Variants in DCAF8L2 observed in about 807,000 individuals in gnomAD.
The protein encoded by DCAF8L2 is DDB1- and CUL4-associated factor 8-like protein 2.
For missense variants in DCAF8L2, 430 were observed against 490.7 expected (o/e 0.88, Z 1.17); for synonymous variants, 200 against 190.9 (o/e 1.05, Z -0.39).
chrX:27,697,716 C>G (rs1930976657), intron 3 of DCAF8L2, among the ~76,000 whole-genome samples: 1 of 111,125 alleles, frequency 9.0e-6, no homozygotes, highest in South Asian at 3.7e-4. Context: ...GGTAAGCTAG[C>G]TACTTTGTAG....
At chrX:27,651,503 AC>A (rs1298228498) in intron 2 of DCAF8L2, among the ~76,000 whole-genome samples, 2 of 103,864 alleles carry the variant, frequency 1.9e-5, no homozygotes, top group Non-Finnish European at 3.9e-5. Flanking sequence ...AAAGTAGATA[AC>A]CTTTTTTTTT....
At chrX:27,686,318 G>A (rs1930504423) in intron 3 of DCAF8L2, among the ~76,000 whole-genome samples, 1 of 111,540 alleles carries the variant, frequency 9.0e-6, no homozygotes, top group Non-Finnish European at 1.9e-5. Flanking sequence ...CAATAGACAA[G>A]ATATGAAATC....
intron 2 of DCAF8L2, among the ~76,000 whole-genome samples, chrX:27,672,628 T>A (rs1282703997): frequency 8.9e-6 from 1 of 112,120 alleles, no homozygotes; most frequent in Non-Finnish European, 1.9e-5. Flanking sequence ...TACTGCCAGT[T>A]AATCACTTTG....
the DCAF8L2 span, among the ~76,000 whole-genome samples, chrX:27,531,222 C>T: frequency 3.6e-5 from 4 of 111,475 alleles, no homozygotes; most frequent in Admixed American, 9.6e-5. Flanking sequence ...ATTCAGAAGG[C>T]GAATGTGGAG....
the DCAF8L2 span, among the ~76,000 whole-genome samples, chrX:27,550,564 A>G: frequency 9.0e-6 from 1 of 111,091 alleles, no homozygotes; most frequent in Non-Finnish European, 1.9e-5. Flanking sequence ...AGCTATCTTG[A>G]AATATATAAT....
intron 1 of DCAF8L2, among the ~76,000 whole-genome samples, chrX:27,612,382 C>T (rs1264432375): frequency 8.9e-6 from 1 of 111,964 alleles, no homozygotes; most frequent in East Asian, 2.8e-4. Flanking sequence ...AAATGTTCTC[C>T]CGTTCTGTAG....
intron 4 of DCAF8L2, among the ~76,000 whole-genome samples, chrX:27,729,101 G>A (rs1921038248): frequency 9.0e-6 from 1 of 111,419 alleles, no homozygotes; most frequent in African/African-American, 3.3e-5. Flanking sequence ...TAAAACATAA[G>A]GTTAAAAAAT....
At chrX:27,581,589 AT>A in the DCAF8L2 span, among the ~76,000 whole-genome samples, 15,592 of 94,961 alleles carry the variant, frequency 0.16, 1,075 homozygotes, top group East Asian at 0.35. Flanking sequence ...ATTTAATACA[AT>A]TTTTTTTTTT....
chrX:27,523,924 C>T, the DCAF8L2 span, among the ~76,000 whole-genome samples: 4 of 110,557 alleles, frequency 3.6e-5, no homozygotes, highest in Admixed American at 9.7e-5. Context: ...AGCTTCATTC[C>T]GTTTGCCGGT....
At chrX:27,739,088 G>A (rs976935599) in intron 4 of DCAF8L2, among the ~76,000 whole-genome samples, 2 of 110,197 alleles carry the variant, frequency 1.8e-5, no homozygotes, top group African/African-American at 3.3e-5. Flanking sequence ...ATATGACATC[G>A]TGTGATAAAT....
chrX:27,644,348 C>G (rs1928859798), intron 2 of DCAF8L2, among the ~76,000 whole-genome samples: 1 of 111,639 alleles, frequency 9.0e-6, no homozygotes, highest in African/African-American at 3.3e-5. Flanking sequence ...CCAGGGTACA[C>G]AGGAAAGACA....
At chrX:27,718,919 T>C (rs1437327486) in intron 4 of DCAF8L2, among the ~76,000 whole-genome samples, 2 of 111,652 alleles carry the variant, frequency 1.8e-5, no homozygotes, top group Admixed American at 9.6e-5. Context: ...TTATTACATA[T>C]GTATGTGTGT....
At chrX:27,567,580 T>TATATATATAC in the DCAF8L2 span, among the ~76,000 whole-genome samples, 2 of 93,296 alleles carry the variant, frequency 2.1e-5, no homozygotes, top group African/African-American at 3.9e-5. Context: ...TATATATATA[T>TATATATATAC]ATATATGAAA....
At chrX:27,642,913 C>A (rs1343000542) in intron 2 of DCAF8L2, among the ~76,000 whole-genome samples, 1 of 111,513 alleles carries the variant, frequency 9.0e-6, no homozygotes, top group Non-Finnish European at 1.9e-5. Context: ...ACCATGCCAT[C>A]ATTTATTAAC....
At chrX:27,509,777 G>A in the DCAF8L2 span, among the ~76,000 whole-genome samples, 1 of 111,055 alleles carries the variant, frequency 9.0e-6, no homozygotes, top group African/African-American at 3.3e-5. Context: ...TTTAATTACC[G>A]TTTTGAACAT....
chrX:27,485,908 C>T, the DCAF8L2 span, among the ~76,000 whole-genome samples: 4 of 95,536 alleles, frequency 4.2e-5, no homozygotes, highest in Admixed American at 1.3e-4. Context: ...TTCAATTGAG[C>T]AGGAATTCTT....
chrX:27,716,616 AT>A (rs1931710061), intron 4 of DCAF8L2, among the ~76,000 whole-genome samples: 1 of 112,412 alleles, frequency 8.9e-6, no homozygotes, highest in South Asian at 3.7e-4. Context: ...ATCAGCTCCC[AT>A]AGGAAATGTG....
At chrX:27,609,701 T>C (rs1278623812) in intron 1 of DCAF8L2, among the ~76,000 whole-genome samples, 1 of 111,542 alleles carries the variant, frequency 9.0e-6, no homozygotes, top group African/African-American at 3.3e-5. Flanking sequence ...ATAGAAAATG[T>C]ATATAGTTAT....
chrX:27,656,742 C>T (rs988171713), intron 2 of DCAF8L2, among the ~76,000 whole-genome samples: 2 of 111,431 alleles, frequency 1.8e-5, no homozygotes, highest in African/African-American at 6.5e-5. Flanking sequence ...GTGAAACATA[C>T]GAAACTTCAA....
Sources: gnomAD v4.1 joint callset for allele counts (sites outside exome capture counted in the v4.1 genomes callset) on GRCh38, gnomAD v4.1.1 for gene constraint, MANE v1.5 for transcripts, NCBI Gene and HGNC (gene_info 2026-07-23, HGNC 2026-07-21) for gene names.